Variants in CFAP61 observed in about 807,000 individuals in gnomAD.
CFAP61 encodes cilia and flagella associated protein 61, also known as cilia- and flagella-associated protein 61.
Under a neutral mutation model 135.6 loss-of-function variants are expected in CFAP61, and 107 were observed. The ratio of observed to expected loss-of-function variants is 0.79; its 90% CI spans 0.67 to 0.93. The LOEUF is 0.93. Ranked by LOEUF, CFAP61 falls within the 40% of genes least tolerant of loss-of-function variation. The probability of loss-of-function intolerance (pLI) is 0.00; values close to 1 mark genes in which losing one functional copy is unlikely to be tolerated. For synonymous variants in CFAP61, 575 were observed against 578.5 expected, an observed-to-expected ratio of 0.99 and a Z score of 0.09; for missense variants, 1,507 against 1,556.2, an observed-to-expected ratio of 0.97 and a Z score of 0.53.
intron 1 of CFAP61, among the ~76,000 whole-genome samples, chr20:20,055,377 A>G (rs2044229692): frequency 6.6e-6 from 1 of 152,214 alleles, no homozygotes; most frequent in Non-Finnish European, 1.5e-5. Context: ...AGCTTTGTGT[A>G]GAGAAAGCTT....
At chr20:20,221,704 C>T (rs1487300168) in intron 17 of CFAP61, 1 of 152,154 alleles carries the variant, frequency 6.6e-6, no homozygotes, top group Non-Finnish European at 1.5e-5. Flanking sequence ...GCTTCATCTC[C>T]TTGTCATCTT....
intron 25 of CFAP61, among the ~76,000 whole-genome samples, chr20:20,333,579 T>C (rs1400509377): frequency 6.6e-6 from 1 of 152,208 alleles, no homozygotes; most frequent in Non-Finnish European, 1.5e-5. Context: ...TCCCACTCCT[T>C]AGAGATCAGA....
At chr20:20,302,505 T>G (rs1219470683) in intron 25 of CFAP61, among the ~76,000 whole-genome samples, 2 of 152,034 alleles carry the variant, frequency 1.3e-5, no homozygotes, top group African/African-American at 2.4e-5. Context: ...CTACTAAAAA[T>G]ACGAAAATTA....
rs772855398 is a variant in CFAP61, at chr20:20,298,300, C to A, written c.3336C>A (p.Asn1112Lys). 3 of 1,614,194 alleles carry A rather than the reference C, an allele frequency of 1.9e-6. No homozygotes were observed. The South Asian group carries it at 3.3e-5, about 18-fold the overall frequency. The change falls in exon 25 of 27, where the codon AAC (asparagine) becomes AAA (lysine). Residue 1112 changes from asparagine (N) to lysine (K), a missense_variant. Coordinates refer to ENST00000245957, the MANE Select transcript of CFAP61 (RefSeq NM_015585.4). ...CLSREPFPAS[N>K]YIRLFGQHEQ... is the part of the protein sequence containing the mutation. ...CTAGGGAGCCCTTCCCCGCCTCCAA[C>A]TACATCCGCTTGTTTGGCCAGCACG...
At chr20:20,213,932 G>A (rs1171551974) in intron 17 of CFAP61, among the ~76,000 whole-genome samples, 21 of 107,276 alleles carry the variant, frequency 2.0e-4, no homozygotes, top group Non-Finnish European at 3.8e-5. Flanking sequence ...CCCCCTCCCC[G>A]CCCCCTCATA....
intron 17 of CFAP61, among the ~76,000 whole-genome samples, chr20:20,209,931 C>T (rs2047514409): frequency 6.6e-6 from 1 of 152,236 alleles, no homozygotes; most frequent in Non-Finnish European, 1.5e-5. Context: ...GCATCCAGGC[C>T]CCCGCAGCCC....
chr20:20,253,705 C>A (rs2051199805), intron 20 of CFAP61: 7 of 364,380 alleles, frequency 1.9e-5, no homozygotes, highest in South Asian at 1.7e-4. Context: ...CAAGTGACAT[C>A]TTTCAGATAC....
At chr20:20,319,824 A>C (rs923494349) in intron 25 of CFAP61, among the ~76,000 whole-genome samples, 5 of 152,206 alleles carry the variant, frequency 3.3e-5, no homozygotes, top group Non-Finnish European at 2.9e-5. Context: ...ATCATTTTCC[A>C]GAACCCCCTA....
At chr20:20,105,582 A>G (rs1241862288) in intron 8 of CFAP61, among the ~76,000 whole-genome samples, 2 of 152,178 alleles carry the variant, frequency 1.3e-5, no homozygotes, top group African/African-American at 2.4e-5. Flanking sequence ...ATGTTCATAC[A>G]TAGCCCTAAT....
At chr20:20,234,852 C>T (rs373905004) in intron 18 of CFAP61, among the ~76,000 whole-genome samples, 26 of 152,262 alleles carry the variant, frequency 1.7e-4, no homozygotes, top group Middle Eastern at 3.4e-3. Context: ...ACTTCAGTCT[C>T]CTCACCTGTG....
intron 6 of CFAP61, among the ~76,000 whole-genome samples, chr20:20,079,744 G>T (rs886806239): frequency 2.4e-4 from 37 of 152,026 alleles, no homozygotes; most frequent in African/African-American, 7.7e-4. Flanking sequence ...TTTATTAATA[G>T]CTAAATAATC....
intron 18 of CFAP61, among the ~76,000 whole-genome samples, chr20:20,229,460 T>C (rs1017927835): frequency 6.6e-6 from 1 of 152,130 alleles, no homozygotes; most frequent in Admixed American, 6.6e-5. Flanking sequence ...TAGCTACCAT[T>C]CAAAACTACA....
In CFAP61 at chr20:20,075,169, A is replaced by C. The variant is rs749235783; in HGVS notation, c.372-20A>C. On this transcript the variant is annotated intron_variant, in intron 4 of 26. Coordinates refer to ENST00000245957, the MANE Select transcript of CFAP61 (RefSeq NM_015585.4). ...ATTGCTTTGTTAGTAACACTGCCCC[A>C]CCCTCTCTTTCCTCACCAGAACCGT... 7.1e-5 allele frequency: 115 copies of C among 1,612,272 alleles called. No individual in the cohort carries two copies. Among genetic ancestry groups the C allele is most frequent in the Non-Finnish European group, 9.2e-5 (109 of 1,178,656 alleles).
chr20:20,325,424 C>T (rs1017917187), intron 25 of CFAP61, among the ~76,000 whole-genome samples: 2 of 152,168 alleles, frequency 1.3e-5, no homozygotes, highest in South Asian at 2.1e-4. Flanking sequence ...TTCTGGCAAC[C>T]GCTCATTTTA....
intron 13 of CFAP61, among the ~76,000 whole-genome samples, chr20:20,171,238 C>G (rs1328729350): frequency 6.6e-6 from 1 of 152,190 alleles, no homozygotes; most frequent in Non-Finnish European, 1.5e-5. Context: ...CCCCTAAACA[C>G]AACTGCCTTG....
At chr20:20,208,173 A>T (rs1569132028) in intron 17 of CFAP61, among the ~76,000 whole-genome samples, 1 of 152,192 alleles carries the variant, frequency 6.6e-6, no homozygotes, top group Non-Finnish European at 1.5e-5. Context: ...ATGAGCGTTA[A>T]GCCAGTAGGA....
At chr20:20,265,402 T>G (rs1017837740) in intron 21 of CFAP61, 1 of 779,812 alleles carries the variant, frequency 1.3e-6, no homozygotes, top group Non-Finnish European at 2.4e-6. Context: ...TGTATTGTCC[T>G]CTTGGTTCTC....
At chr20:20,245,894 A>C (rs965266059) in intron 18 of CFAP61, among the ~76,000 whole-genome samples, 3 of 152,304 alleles carry the variant, frequency 2.0e-5, no homozygotes, top group African/African-American at 7.2e-5. Context: ...CTCATTACTA[A>C]TGTGTAGCTT....
intron 6 of CFAP61, among the ~76,000 whole-genome samples, chr20:20,082,847 T>A (rs1273649253): frequency 6.6e-6 from 1 of 152,136 alleles, no homozygotes; most frequent in Non-Finnish European, 1.5e-5. Context: ...AAACAGCAGA[T>A]GTTGGCATGG....
Sources: gnomAD v4.1 joint callset for allele counts (sites outside exome capture counted in the v4.1 genomes callset) on GRCh38, gnomAD v4.1.1 for gene constraint, MANE v1.5 for transcripts, NCBI Gene and HGNC (gene_info 2026-07-23, HGNC 2026-07-21) for gene names.